Variants in STARD13 observed in about 807,000 individuals in gnomAD.
STARD13 encodes stAR-related lipid transfer protein 13.
A neutral mutation model predicts 106.4 loss-of-function variants in STARD13; 62 were observed. The observed-to-expected ratio is 0.58, with a 90% CI of 0.48 to 0.72. The LOEUF (loss-of-function observed/expected upper bound fraction) is 0.72. Ranked by LOEUF, STARD13 falls within the 30% of genes least tolerant of loss-of-function variation. STARD13 has a pLI of 0.00. For synonymous variants in STARD13, 565 were observed against 553.0 expected, an observed-to-expected ratio of 1.02 and a Z score of -0.31; for missense variants, 1,387 against 1,424.0, an observed-to-expected ratio of 0.97 and a Z score of 0.42.
At chr13:33,272,080 T>C (rs1442180674) in intron 1 of STARD13, among the ~76,000 whole-genome samples, 1 of 152,192 alleles carries the variant, frequency 6.6e-6, no homozygotes, top group Non-Finnish European at 1.5e-5. Flanking sequence ...CTTAGGTCTT[T>C]ATGAAAATTA....
At chr13:33,247,240 A>G (rs1889871262) in intron 1 of STARD13, among the ~76,000 whole-genome samples, 1 of 151,996 alleles carries the variant, frequency 6.6e-6, no homozygotes, top group African/African-American at 2.4e-5. Context: ...AAATAAATAA[A>G]TAAAACGGCT....
chr13:33,533,459 A>G, the STARD13 span, among the ~76,000 whole-genome samples: 1 of 152,236 alleles, frequency 6.6e-6, no homozygotes, highest in Non-Finnish European at 1.5e-5. Flanking sequence ...TTATTTTAAA[A>G]TGATTGGAAA....
the STARD13 span, among the ~76,000 whole-genome samples, chr13:33,362,653 TTG>T: frequency 0.03 from 4,610 of 152,280 alleles, 228 homozygotes; most frequent in African/African-American, 0.1. Context: ...ACAACAAAGG[TTG>T]TTGAATTTGA....
the STARD13 span, among the ~76,000 whole-genome samples, chr13:33,384,703 A>G: frequency 6.6e-6 from 1 of 152,166 alleles, no homozygotes. Context: ...TTCTACAGAA[A>G]TGTAGTCCTC....
At chr13:33,376,351 T>C in the STARD13 span, among the ~76,000 whole-genome samples, 1 of 152,196 alleles carries the variant, frequency 6.6e-6, no homozygotes, top group African/African-American at 2.4e-5. Context: ...TGTCCTCCTG[T>C]AGTTTATGAC....
the STARD13 span, among the ~76,000 whole-genome samples, chr13:33,543,272 G>A: frequency 6.6e-6 from 1 of 152,078 alleles, no homozygotes; most frequent in South Asian, 2.1e-4. Context: ...CTATTAAAGC[G>A]CTGTTGTAAA....
upstream of STARD13, among the ~76,000 whole-genome samples, chr13:33,288,740 C>A (rs562151535): frequency 2.0e-3 from 298 of 152,086 alleles, no homozygotes; most frequent in Middle Eastern, 6.8e-3. Context: ...ATATACAGGG[C>A]CGCTAAAGTT....
intron 1 of STARD13, among the ~76,000 whole-genome samples, chr13:33,169,153 T>G (rs1171825497): frequency 6.6e-6 from 1 of 152,208 alleles, no homozygotes; most frequent in Non-Finnish European, 1.5e-5. Flanking sequence ...GGAACCAAGC[T>G]GGAAAGAAAA....
chr13:33,165,640 T>C (rs1883229502), intron 2 of STARD13, among the ~76,000 whole-genome samples: 1 of 152,194 alleles, frequency 6.6e-6, no homozygotes, highest in African/African-American at 2.4e-5. Flanking sequence ...TGCTTGACCT[T>C]GGATAGGATT....
chr13:33,513,938 T>C, the STARD13 span, among the ~76,000 whole-genome samples: 1 of 152,174 alleles, frequency 6.6e-6, no homozygotes, highest in Admixed American at 6.5e-5. Context: ...ACACTGATAA[T>C]AAATAACAGC....
At chr13:33,234,481 T>G (rs1472647600) in intron 1 of STARD13, among the ~76,000 whole-genome samples, 5 of 152,228 alleles carry the variant, frequency 3.3e-5, no homozygotes, top group Non-Finnish European at 7.3e-5. Flanking sequence ...AGGCCGCAAC[T>G]GGCCATGGAG....
chr13:33,392,035 T>G, the STARD13 span, among the ~76,000 whole-genome samples: 1 of 152,148 alleles, frequency 6.6e-6, no homozygotes, highest in African/African-American at 2.4e-5. Flanking sequence ...TCCCTCAACT[T>G]CTTCGTTTTG....
the STARD13 span, among the ~76,000 whole-genome samples, chr13:33,502,955 T>A: frequency 1.6e-4 from 25 of 152,244 alleles, no homozygotes; most frequent in African/African-American, 6.0e-4. Flanking sequence ...TCAGAAGGAA[T>A]GGTACCAGCT....
chr13:33,179,148 T>C (rs1180595733), intron 1 of STARD13, among the ~76,000 whole-genome samples: 1 of 152,236 alleles, frequency 6.6e-6, no homozygotes, highest in African/African-American at 2.4e-5. Flanking sequence ...GTTTTACAGA[T>C]TAACTTTTTA....
chr13:33,112,452 TCTAC>T (rs1256975674), intron 9 of STARD13, among the ~76,000 whole-genome samples: 1 of 152,232 alleles, frequency 6.6e-6, no homozygotes, highest in Non-Finnish European at 1.5e-5. Context: ...ATCTCTATTA[TCTAC>T]CTATCAATCA....
chr13:33,386,571 G>A, the STARD13 span, among the ~76,000 whole-genome samples: 2 of 152,066 alleles, frequency 1.3e-5, no homozygotes, highest in African/African-American at 2.4e-5. Context: ...TGGGGGGGTC[G>A]ACGTGCAGCC....
chr13:33,509,355 A>T, the STARD13 span, among the ~76,000 whole-genome samples: 1 of 152,148 alleles, frequency 6.6e-6, no homozygotes, highest in Non-Finnish European at 1.5e-5. Flanking sequence ...GGATGTGTAA[A>T]TCTCTGCCCC....
chr13:33,460,511 T>G, the STARD13 span, among the ~76,000 whole-genome samples: 1 of 151,414 alleles, frequency 6.6e-6, no homozygotes, highest in Non-Finnish European at 1.5e-5. Flanking sequence ...AAAAGAAAGA[T>G]TGTTTCTGGG....
chr13:33,606,306 A>T, the STARD13 span, among the ~76,000 whole-genome samples: 1 of 152,202 alleles, frequency 6.6e-6, no homozygotes, highest in Admixed American at 6.5e-5. Context: ...CATCTCAAAA[A>T]GAAAAAAAGA....
Sources: allele counts gnomAD v4.1 joint callset (sites outside exome capture counted in the v4.1 genomes callset), GRCh38; gene constraint gnomAD v4.1.1; transcripts MANE v1.5; gene names NCBI Gene and HGNC (gene_info 2026-07-23, HGNC 2026-07-21).